The following GPC6 variants were observed in gnomAD, a reference collection of about 807,000 sequenced individuals.
GPC6 encodes glypican 6.
GPC6 carries 14 observed loss-of-function variants against 55.2 expected under a neutral mutation model. The ratio of observed to expected loss-of-function variants is 0.25; its 90% CI spans 0.17 to 0.40. The LOEUF (loss-of-function observed/expected upper bound fraction) is 0.40, where lower values mean the gene tolerates loss of function less well. Ranked by LOEUF, GPC6 falls within the 10% of genes least tolerant of loss-of-function variation. GPC6 has a pLI of 1.00. For missense variants in GPC6, 641 were observed against 708.5 expected, an observed-to-expected ratio of 0.90 and a Z score of 1.08; for synonymous variants, 278 against 259.6, an observed-to-expected ratio of 1.07 and a Z score of -0.68.
At chr13:93,332,230 G>A (rs1879875618) in intron 1 of GPC6, among the ~76,000 whole-genome samples, 1 of 150,898 alleles carries the variant, frequency 6.6e-6, no homozygotes, top group Non-Finnish European at 1.5e-5. Context: ...CCAGCAATAG[G>A]ATTGCTAAAT....
intron 4 of GPC6, among the ~76,000 whole-genome samples, chr13:94,170,407 G>A (rs895172919): frequency 6.6e-6 from 1 of 152,172 alleles, no homozygotes; most frequent in Admixed American, 6.5e-5. Context: ...GACTGAGCTG[G>A]TTGGGCTGAG....
intron 2 of GPC6, among the ~76,000 whole-genome samples, chr13:93,569,652 C>T (rs962617217): frequency 2.0e-4 from 31 of 151,990 alleles, no homozygotes; most frequent in African/African-American, 7.5e-4. Context: ...ATCTTCATAA[C>T]TTAGTTATCT....
chr13:93,724,095 T>A (rs1475479458), intron 2 of GPC6, among the ~76,000 whole-genome samples: 1 of 152,022 alleles, frequency 6.6e-6, no homozygotes, highest in East Asian at 1.9e-4. Flanking sequence ...TGGCTATTTT[T>A]TTTTTACTAC....
At chr13:94,141,989 T>A (rs191377030) in intron 4 of GPC6, among the ~76,000 whole-genome samples, 5 of 152,274 alleles carry the variant, frequency 3.3e-5, no homozygotes, top group Non-Finnish European at 7.4e-5. Flanking sequence ...ACTGACCTTT[T>A]TTTTTTCCGT....
rs529484860 is a variant in GPC6, at chr13:93,344,620, G to A, written c.160+117004G>A. 4.6e-5 allele frequency among the ~76,000 whole-genome samples: 7 copies of A among 152,092 alleles called. No homozygotes were observed. The South Asian group carries it at 8.3e-4, about 18-fold the overall frequency. ...TCCATCCATTTTTGGTTCTGTTCCC[G>A]TGTCCTATTTCCACTATTGAATAGG... On this transcript the variant is annotated intron_variant, in intron 1 of 8. Coordinates refer to ENST00000377047, the MANE Select transcript of GPC6 (RefSeq NM_005708.5).
intron 4 of GPC6, among the ~76,000 whole-genome samples, chr13:94,121,922 C>G (rs1886645444): frequency 6.6e-6 from 1 of 152,034 alleles, no homozygotes; most frequent in African/African-American, 2.4e-5. Flanking sequence ...TGCTTCAGCA[C>G]AACTGTTCTG....
chr13:93,369,538 A>G (rs1378878091), intron 1 of GPC6, among the ~76,000 whole-genome samples: 1 of 152,102 alleles, frequency 6.6e-6, no homozygotes, highest in African/African-American at 2.4e-5. Context: ...GGCATAGTCT[A>G]TTATTTTTAT....
At chr13:93,336,882 C>T (rs1013796363) in intron 1 of GPC6, among the ~76,000 whole-genome samples, 95 of 152,182 alleles carry the variant, frequency 6.2e-4, no homozygotes, top group African/African-American at 2.3e-3. Context: ...TTAATAGAGC[C>T]GTCTTTCATT....
intron 1 of GPC6, among the ~76,000 whole-genome samples, chr13:93,495,836 G>GGGGGTCA (rs1566387906): frequency 6.8e-6 from 1 of 147,300 alleles, no homozygotes; most frequent in South Asian, 2.3e-4. Flanking sequence ...TAGGCTGCTC[G>GGGGGTCA]GGGGTCAGGG....
chr13:94,214,637 T>C (rs985644082), intron 4 of GPC6, among the ~76,000 whole-genome samples: 3 of 152,174 alleles, frequency 2.0e-5, no homozygotes, highest in African/African-American at 7.2e-5. Flanking sequence ...TTTACATGGA[T>C]TGGAAATTTT....
intron 4 of GPC6, among the ~76,000 whole-genome samples, chr13:94,259,297 G>C (rs1324183354): frequency 1.3e-5 from 2 of 152,142 alleles, no homozygotes; most frequent in Non-Finnish European, 2.9e-5. Flanking sequence ...TCCATGATAG[G>C]GTTAGACTAA....
chr13:93,804,493 C>T (rs1470104330), intron 2 of GPC6, among the ~76,000 whole-genome samples: 1 of 152,154 alleles, frequency 6.6e-6, no homozygotes, highest in Non-Finnish European at 1.5e-5. Flanking sequence ...TCTCAAGCCA[C>T]CTCCAGAACA....
intron 6 of GPC6, among the ~76,000 whole-genome samples, chr13:94,373,302 G>A (rs1415537895): frequency 6.6e-6 from 1 of 151,710 alleles, no homozygotes; most frequent in Non-Finnish European, 1.5e-5. Flanking sequence ...AGGCAAAGAA[G>A]TTGAAAACTT....
At chr13:93,788,250 G>A (rs1885876287) in intron 2 of GPC6, among the ~76,000 whole-genome samples, 2 of 152,194 alleles carry the variant, frequency 1.3e-5, no homozygotes, top group South Asian at 4.1e-4. Flanking sequence ...CTTCTGGAGG[G>A]TAAGAATGCT....
chr13:93,830,472 G>A lies in GPC6; in HGVS notation c.638G>A (p.Arg213His), dbSNP rs757847020. 5.0e-6 allele frequency: 8 copies of A among 1,613,810 alleles called. 1 individual carries two copies. Among genetic ancestry groups the A allele is most frequent in the South Asian group, 3.3e-5 (3 of 91,062 alleles). The change falls in exon 3 of 9, where the codon CGC (arginine) becomes CAC (histidine). Residue 213 changes from arginine to histidine, a missense_variant. Coordinates refer to ENST00000377047, the MANE Select transcript of GPC6 (RefSeq NM_005708.5). ...VPRKLKIQVTRAFIAARTFVQ... is the reference protein window; with the variant it reads ...VPRKLKIQVTHAFIAARTFVQ... Reference sequence around the variant, plus strand: ...CGGAAACTGAAGATTCAGGTTACCCGCGCCTTCATTGCTGCCAGGACCTTT... The same window carrying A: ...CGGAAACTGAAGATTCAGGTTACCCACGCCTTCATTGCTGCCAGGACCTTT...
chr13:94,237,578 T>C (rs1890917061), intron 4 of GPC6, among the ~76,000 whole-genome samples: 1 of 152,100 alleles, frequency 6.6e-6, no homozygotes, highest in East Asian at 1.9e-4. Flanking sequence ...GAGCCACTCA[T>C]TGAACAAGGA....
At chr13:93,219,094 T>A in the GPC6 span, among the ~76,000 whole-genome samples, 1 of 151,248 alleles carries the variant, frequency 6.6e-6, no homozygotes, top group Non-Finnish European at 1.5e-5. Flanking sequence ...TTTCCTATTT[T>A]TTTTTTTTTT....
chr13:94,289,564 C>G (rs1874841939), intron 5 of GPC6, among the ~76,000 whole-genome samples: 1 of 152,198 alleles, frequency 6.6e-6, no homozygotes, highest in African/African-American at 2.4e-5. Context: ...ACTAATGTCA[C>G]TCACCGCCAT....
chr13:93,387,733 C>T (rs1228639951), intron 1 of GPC6, among the ~76,000 whole-genome samples: 1 of 152,094 alleles, frequency 6.6e-6, no homozygotes, highest in African/African-American at 2.4e-5. Context: ...TATTAATTTG[C>T]TCAACCAAAC....
Sources: gnomAD v4.1 joint callset for allele counts (sites outside exome capture counted in the v4.1 genomes callset) on GRCh38, gnomAD v4.1.1 for gene constraint, MANE v1.5 for transcripts, NCBI Gene and HGNC (gene_info 2026-07-23, HGNC 2026-07-21) for gene names.